Variants in ZNF385D observed in about 807,000 individuals in gnomAD.
ZNF385D encodes the protein zinc finger protein 659.
In ZNF385D, 15 loss-of-function variants were observed where a neutral mutation model predicts 35.8. The ratio of observed to expected loss-of-function variants is 0.42; its 90% CI spans 0.28 to 0.64. ZNF385D has a LOEUF of 0.64. ZNF385D is among the 30% of genes least tolerant of loss of function. The pLI is 0.23. For missense variants in ZNF385D, 474 were observed against 494.6 expected (o/e 0.96, Z 0.39); for synonymous variants, 212 against 186.8 (o/e 1.13, Z -1.10).
intron 3 of ZNF385D, among the ~76,000 whole-genome samples, chr3:21,970,203 G>A (rs1211989487): frequency 6.6e-6 from 1 of 152,042 alleles, no homozygotes; most frequent in South Asian, 2.1e-4. Context: ...CCAGGAAAAC[G>A]TGACTTCACC....
At chr3:21,651,354 TATCTC>T (rs2065908431) in intron 2 of ZNF385D, among the ~76,000 whole-genome samples, 2 of 150,766 alleles carry the variant, frequency 1.3e-5, no homozygotes, top group African/African-American at 4.9e-5. Flanking sequence ...TATAAAATAT[TATCTC>T]ATTTATGTTC....
chr3:21,512,571 T>C (rs1255427016), intron 3 of ZNF385D, among the ~76,000 whole-genome samples: 5 of 152,202 alleles, frequency 3.3e-5, no homozygotes, highest in East Asian at 1.9e-4. Flanking sequence ...GAAAGAACAC[T>C]GGACAAGAAA....
chr3:22,330,336 G>A (rs1183292911), intron 2 of ZNF385D, among the ~76,000 whole-genome samples: 1 of 152,032 alleles, frequency 6.6e-6, no homozygotes, highest in Non-Finnish European at 1.5e-5. Context: ...TGTACTAACT[G>A]CTGAGGTTTG....
At chr3:21,711,283 C>T (rs1294447133) in intron 1 of ZNF385D, among the ~76,000 whole-genome samples, 1 of 151,914 alleles carries the variant, frequency 6.6e-6, no homozygotes, top group Admixed American at 6.6e-5. Context: ...CCTCGTGATC[C>T]ACCCGCCTCG....
intron 3 of ZNF385D, among the ~76,000 whole-genome samples, chr3:21,929,724 A>T (rs1186535186): frequency 6.6e-6 from 1 of 152,070 alleles, no homozygotes; most frequent in African/African-American, 2.4e-5. Context: ...AAGGAGTAGA[A>T]CACTGAGGAA....
At chr3:21,931,992 C>A (rs562350510) in intron 3 of ZNF385D, among the ~76,000 whole-genome samples, 1 of 151,224 alleles carries the variant, frequency 6.6e-6, no homozygotes, top group East Asian at 2.0e-4. Context: ...ACGGTGAAAC[C>A]CCGTCTCTAC....
chr3:22,252,608 C>G (rs528283845), intron 2 of ZNF385D, among the ~76,000 whole-genome samples: 1 of 152,152 alleles, frequency 6.6e-6, no homozygotes, highest in South Asian at 2.1e-4. Context: ...CATGTATCAT[C>G]TCATTTGACT....
At chr3:21,497,041 C>T (rs1456972670) in intron 4 of ZNF385D, among the ~76,000 whole-genome samples, 2 of 151,986 alleles carry the variant, frequency 1.3e-5, no homozygotes, top group Non-Finnish European at 2.9e-5. Flanking sequence ...CACTGGAAAT[C>T]CTGGCCAGAG....
At chr3:21,480,379 G>A (rs952933131) in intron 4 of ZNF385D, among the ~76,000 whole-genome samples, 5 of 152,028 alleles carry the variant, frequency 3.3e-5, no homozygotes, top group East Asian at 1.9e-4. Flanking sequence ...CTAGGATTAC[G>A]GGTGTGAGCC....
intron 3 of ZNF385D, among the ~76,000 whole-genome samples, chr3:21,537,050 A>C (rs191989181): frequency 1.3e-5 from 2 of 152,016 alleles, no homozygotes; most frequent in Non-Finnish European, 2.9e-5. Flanking sequence ...ATCAAGATGA[A>C]TAACATTTTA....
At position 22,283,587 on chromosome 3, in the gene ZNF385D, C is replaced by T. The variant is rs139302471; in HGVS notation, c.106+88863G>A. On this transcript the variant is annotated intron_variant, in intron 2 of 5. Transcript: ENST00000494108. ...GATCCAGAATATATAAAGCTGAAAC[C>T]AGATTCTGACATGTAATAGCTGTGT... is the stretch of plus-strand genomic sequence containing the variant. Among the ~76,000 whole-genome samples, 297 of 152,212 alleles carry T rather than the reference C, an allele frequency of 2.0e-3. 4 individuals carry two copies. The highest frequency in any genetic ancestry group is 6.2e-3 in the African/African-American group (257 of 41,558).
intron 3 of ZNF385D, among the ~76,000 whole-genome samples, chr3:21,862,182 T>C (rs1457594352): frequency 1.3e-5 from 2 of 152,126 alleles, no homozygotes. Flanking sequence ...TGATAAGATA[T>C]TGTAGAATAC....
At chr3:21,695,580 C>T (rs1018267777) in intron 1 of ZNF385D, among the ~76,000 whole-genome samples, 2 of 152,080 alleles carry the variant, frequency 1.3e-5, no homozygotes, top group African/African-American at 4.8e-5. Flanking sequence ...ATGCCAGATG[C>T]TTCAATGGAA....
At chr3:21,862,360 G>C (rs139040118) in intron 3 of ZNF385D, among the ~76,000 whole-genome samples, 36 of 150,392 alleles carry the variant, frequency 2.4e-4, no homozygotes, top group African/African-American at 8.8e-4. Flanking sequence ...TTGAAACTGA[G>C]AACATACTCA....
At chr3:21,933,154 T>C (rs2125252741) in intron 3 of ZNF385D, among the ~76,000 whole-genome samples, 1 of 152,318 alleles carries the variant, frequency 6.6e-6, no homozygotes, top group South Asian at 2.1e-4. Context: ...TTTGGAGAGC[T>C]ATATATTTAA....
chr3:21,845,412 CTCTT>C (rs1382789288), intron 3 of ZNF385D, among the ~76,000 whole-genome samples: 1 of 151,978 alleles, frequency 6.6e-6, no homozygotes, highest in Admixed American at 6.6e-5. Context: ...TATTTTCTCT[CTCTT>C]CTTCTCCTTC....
At chr3:22,192,572 G>T (rs1696131742) in intron 2 of ZNF385D, among the ~76,000 whole-genome samples, 1 of 152,120 alleles carries the variant, frequency 6.6e-6, no homozygotes, top group South Asian at 2.1e-4. Flanking sequence ...ACTCAAGCAA[G>T]CCATGTGTGT....
rs532650540 is a variant in ZNF385D at position 22,318,245 on chromosome 3, G to T, written c.106+54205C>A. 1.6e-4 allele frequency among the ~76,000 whole-genome samples: 25 copies of T among 152,172 alleles called. No homozygotes were observed. In the South Asian group the frequency reaches 5.2e-3, roughly 32 times the overall value. On this transcript the variant is annotated intron_variant, in intron 2 of 5. Coordinates refer to the ZNF385D transcript ENST00000494108. Reference sequence around the variant, plus strand: ...AGCAAATAAAGATTGAATTTTGAGTGTCCAAGTGGAAAGAAAGCTTTAAGT... The same window carrying T: ...AGCAAATAAAGATTGAATTTTGAGTTTCCAAGTGGAAAGAAAGCTTTAAGT...
chr3:21,676,581 T>C (rs79174207), intron 1 of ZNF385D, among the ~76,000 whole-genome samples: 1,586 of 152,214 alleles, frequency 0.01, 21 homozygotes, highest in Middle Eastern at 0.017. Flanking sequence ...TAAGGAGTCC[T>C]GTCCCTTTGA....
Sources: gnomAD v4.1 joint callset for allele counts (sites outside exome capture counted in the v4.1 genomes callset) on GRCh38, gnomAD v4.1.1 for gene constraint, MANE v1.5 for transcripts, NCBI Gene and HGNC (gene_info 2026-07-23, HGNC 2026-07-21) for gene names.